Variants in NUGGC observed in about 807,000 individuals in gnomAD.
The protein encoded by NUGGC is nuclear GTPase SLIP-GC.
A neutral mutation model predicts 92.6 loss-of-function variants in NUGGC; 58 were observed. The observed-to-expected ratio is 0.63, with a 90% CI of 0.51 to 0.78. The LOEUF is 0.78. Ranked by LOEUF, NUGGC falls within the 30% of genes least tolerant of loss-of-function variation. The pLI is 0.00. For missense variants in NUGGC, 925 were observed against 964.6 expected, an observed-to-expected ratio of 0.96 and a Z score of 0.54; for synonymous variants, 376 against 366.4, an observed-to-expected ratio of 1.03 and a Z score of -0.30.
chr8:28,042,335 C>T (rs747677185), intron 12 of NUGGC, among the ~76,000 whole-genome samples: 4 of 152,182 alleles, frequency 2.6e-5, no homozygotes, highest in Non-Finnish European at 5.9e-5. Flanking sequence ...CCCAGCTTGG[C>T]CTTTAAGGCA....
At chr8:28,054,030 G>T (rs527521601) in intron 10 of NUGGC, among the ~76,000 whole-genome samples, 2 of 152,188 alleles carry the variant, frequency 1.3e-5, no homozygotes, top group African/African-American at 2.4e-5. Flanking sequence ...TGAATATAGA[G>T]CTGGTCATCG....
At chr8:28,029,441 A>G in intron 16 of NUGGC, 39 bp from the exon 17 acceptor site, 2 of 1,606,374 alleles carry the variant, frequency 1.2e-6, no homozygotes, top group East Asian at 2.2e-5. Flanking sequence ...CAAGACAAGG[A>G]CCTGCTTAGA....
intron 7 of NUGGC, among the ~76,000 whole-genome samples, chr8:28,061,531 A>G (rs1184789670): frequency 1.3e-5 from 2 of 152,208 alleles, no homozygotes; most frequent in Non-Finnish European, 2.9e-5. Context: ...GCTTTATACC[A>G]GTAGTTTTTA....
At chr8:28,077,864 T>C (rs911042266) in intron 1 of NUGGC, among the ~76,000 whole-genome samples, 1 of 152,150 alleles carries the variant, frequency 6.6e-6, no homozygotes, top group African/African-American at 2.4e-5. Flanking sequence ...ACACTAAGAT[T>C]AGGGACCTTC....
chr8:28,054,508 TATAATA>T (rs1427524779), intron 10 of NUGGC, among the ~76,000 whole-genome samples: 4 of 151,774 alleles, frequency 2.6e-5, no homozygotes, highest in African/African-American at 9.7e-5. Context: ...AAAAAAAGAC[TATAATA>T]ATAATAAGTT....
chr8:28,055,887 A>C (rs971970832), intron 10 of NUGGC, 78 bp downstream of exon 10: 2 of 772,964 alleles, frequency 2.6e-6, no homozygotes, highest in African/African-American at 3.5e-5. Context: ...GCAACTACAC[A>C]ATACCAGGCA....
intron 12 of NUGGC, among the ~76,000 whole-genome samples, chr8:28,042,767 C>CGAGTGG (rs1305033734): frequency 6.6e-6 from 1 of 152,150 alleles, no homozygotes; most frequent in East Asian, 1.9e-4. Flanking sequence ...GTGGATTGAA[C>CGAGTGG]GAGTGGCCCA....
chr8:28,032,141 T>C (rs1424700254), intron 14 of NUGGC, among the ~76,000 whole-genome samples: 1 of 152,118 alleles, frequency 6.6e-6, no homozygotes, highest in Non-Finnish European at 1.5e-5. Context: ...AAAGGCAAGC[T>C]GGAGGCAGGT....
chr8:28,060,430 G>A lies in NUGGC; in HGVS notation c.1093C>T (p.Leu365=), dbSNP rs766609297. 3 of 1,613,434 alleles carry A rather than the reference G, an allele frequency of 1.9e-6. No individual in the cohort carries two copies. Among genetic ancestry groups the A allele is most frequent in the East Asian group, 4.5e-5 (2 of 44,882 alleles). The change falls in exon 8 of 19, where the codon CTA becomes TTA. Residue 365 remains leucine, a synonymous_variant. Transcript: ENST00000413272. ...CTTGCAAGCCCAGCACAATACCTTAGGTATTCTGGCAAGTGGAGTTTGTCC... is the reference window on the plus strand; with the variant it reads ...CTTGCAAGCCCAGCACAATACCTTAAGTATTCTGGCAAGTGGAGTTTGTCC... The part of the protein sequence containing the change: ...KMDKLHLPEY[L]RERKAGNQAI...
chr8:28,041,604 A>C (rs1458065603), intron 12 of NUGGC, among the ~76,000 whole-genome samples: 1 of 152,218 alleles, frequency 6.6e-6, no homozygotes, highest in Non-Finnish European at 1.5e-5. Context: ...TGGACTCTGC[A>C]CGAAGGAGTT....
At position 28,066,061 on chromosome 8, in the gene NUGGC, A is replaced by C. The variant is rs1420432400; in HGVS notation, c.712-1330T>G. On this transcript the variant is annotated intron_variant, in intron 6 of 18. Coordinates refer to ENST00000413272, the MANE Select transcript of NUGGC (RefSeq NM_001010906.2). Reference sequence around the variant, plus strand: ...TTGTAAGCCCACTCATCGAGATGGTAATTCTGTTCACCTTGTTTCCGTGCG... The same window carrying C: ...TTGTAAGCCCACTCATCGAGATGGTCATTCTGTTCACCTTGTTTCCGTGCG... 2.6e-5 allele frequency among the ~76,000 whole-genome samples: 4 copies of C among 152,318 alleles called. No individual in the cohort carries two copies. In the East Asian group the frequency reaches 7.7e-4, roughly 29 times the overall value.
intron 9 of NUGGC, among the ~76,000 whole-genome samples, 174 bp from the exon 10 acceptor site, chr8:28,056,228 T>C (rs1381761998): frequency 6.6e-6 from 1 of 152,100 alleles, no homozygotes. Context: ...CCTGTAATCC[T>C]AGCCCGTTGG....
intron 1 of NUGGC, among the ~76,000 whole-genome samples, chr8:28,081,141 A>C (rs1810840271): frequency 6.6e-6 from 1 of 152,112 alleles, no homozygotes; most frequent in Admixed American, 6.5e-5. Flanking sequence ...CAACATGGTG[A>C]AACCCTGTCT....
At chr8:28,035,514 G>A (rs1044851109) in intron 13 of NUGGC, among the ~76,000 whole-genome samples, 9 of 152,158 alleles carry the variant, frequency 5.9e-5, no homozygotes, top group Non-Finnish European at 1.0e-4. Flanking sequence ...TCAGGCGGGG[G>A]CCTTAGCTGC....
chr8:28,047,862 A>C (rs1465064382), intron 10 of NUGGC, among the ~76,000 whole-genome samples: 2 of 152,222 alleles, frequency 1.3e-5, no homozygotes, highest in African/African-American at 4.8e-5. Context: ...ATTCTAGAAG[A>C]AAATGTGTAG....
At position 28,023,513 on chromosome 8, in the gene NUGGC, C is replaced by T. The variant is rs17058440; in HGVS notation, c.2246-51G>A. 1.5e-3 allele frequency: 2,325 copies of T among 1,565,530 alleles called. 30 individuals are homozygous for T. In the African/African-American group the frequency reaches 0.028, roughly 19 times the overall value. On this transcript the variant is annotated intron_variant, in intron 18 of 18. Transcript: ENST00000413272. ...CAGGACTTGGTGTCCGTTGCAGAAA[C>T]GTCTCCAGAAAGCAAATCCCCCAAC... is the stretch of plus-strand genomic sequence containing the variant.
At position 28,045,617 on chromosome 8, in the gene NUGGC, G is replaced by A. The variant is rs1195926518; in HGVS notation, c.1356C>T (p.Asp452=). 2 of 1,612,944 alleles carry A rather than the reference G, an allele frequency of 1.2e-6. No homozygotes were observed. Among genetic ancestry groups the A allele is most frequent in the Non-Finnish European group, 1.7e-6 (2 of 1,179,618 alleles). Residue 452 remains aspartate, a synonymous_variant, in exon 12 of 19, where the codon GAC becomes GAT. Coordinates refer to ENST00000413272, the MANE Select transcript of NUGGC (RefSeq NM_001010906.2). The part of the protein sequence containing the change: ...LREYIRKSLL[D]KKKRTVTKYV... Reference sequence around the variant, plus strand: ...ACTTGGTCACTGTCCTCTTCTTCTTGTCCAAGAGGCTCTTCCTGATGTATT... The same window carrying A: ...ACTTGGTCACTGTCCTCTTCTTCTTATCCAAGAGGCTCTTCCTGATGTATT...
chr8:28,044,969 T>C (rs1159769444), intron 12 of NUGGC, among the ~76,000 whole-genome samples: 2 of 152,212 alleles, frequency 1.3e-5, no homozygotes, highest in African/African-American at 2.4e-5. Context: ...GAGATAAATA[T>C]GTCAATTACT....
chr8:28,031,048 C>A (rs532464714), intron 15 of NUGGC, among the ~76,000 whole-genome samples, 195 bp downstream of exon 15: 51 of 152,320 alleles, frequency 3.3e-4, no homozygotes, highest in African/African-American at 1.1e-3. Context: ...ATGTCCCACA[C>A]CTCCTCCAAG....
Sources: allele counts gnomAD v4.1 joint callset (sites outside exome capture counted in the v4.1 genomes callset), GRCh38; gene constraint gnomAD v4.1.1; transcripts MANE v1.5; gene names NCBI Gene and HGNC (gene_info 2026-07-23, HGNC 2026-07-21).